The following CLCN7 variants were observed in gnomAD, a reference collection of about 807,000 sequenced individuals.
The protein encoded by CLCN7 is Cl-/H+ antiporter 7.
In CLCN7, 60 loss-of-function variants were observed where a neutral mutation model predicts 102.1. The observed-to-expected ratio is 0.59, with a 90% CI of 0.48 to 0.73. CLCN7 has a LOEUF of 0.73. CLCN7 is among the 30% of genes least tolerant of loss of function. The pLI, the probability that CLCN7 is intolerant of heterozygous loss-of-function variation, is 0.00. For missense variants in CLCN7, 962 were observed against 1,125.7 expected (o/e 0.85, Z 2.08); for synonymous variants, 560 against 490.5 (o/e 1.14, Z -1.87).
chr16:1,455,708 G>A (rs2038824750), intron 11 of CLCN7, 23 bp downstream of exon 11: 1 of 1,611,680 alleles, frequency 6.2e-7, no homozygotes, highest in Non-Finnish European at 8.5e-7. Flanking sequence ...CTGATCAGGA[G>A]GCAGCCATCA....
chr16:1,462,884 G>T (rs576874483), intron 2 of CLCN7, among the ~76,000 whole-genome samples: 5 of 152,234 alleles, frequency 3.3e-5, no homozygotes, highest in African/African-American at 9.6e-5. Context: ...AGCTGGGCCG[G>T]GCGCAATGGC....
At position 1,446,529 on chromosome 16, in the gene CLCN7, T is replaced by C. The variant is rs1225661775; in HGVS notation, c.*102A>G. ...GCTGCAGGGTGCTCGCCATTGCCAC[T>C]GCTGGGGAGCATGGTTTGGGCCGAG... On this transcript the variant is annotated 3_prime_UTR_variant, in exon 25 of 25. Transcript: ENST00000382745. 4 of 1,119,300 alleles carry C rather than the reference T, an allele frequency of 3.6e-6. No homozygotes were observed. The highest frequency in any genetic ancestry group is 2.6e-5 in the South Asian group (2 of 75,726). 69.3% of individuals were successfully genotyped at this position (1,119,300 alleles called of 1,614,324 possible).
chr16:1,451,814 C>T, intron 15 of CLCN7, 98 bp from the exon 16 acceptor site: 1 of 988,604 alleles, frequency 1.0e-6, no homozygotes, highest in Non-Finnish European at 1.6e-6. Context: ...GTACCCTGTG[C>T]CTGGCCAGCA....
At chr16:1,447,338 A>C (rs1341842403) in intron 23 of CLCN7, 54 bp downstream of exon 23, 8 of 1,438,112 alleles carry the variant, frequency 5.6e-6, no homozygotes, top group African/African-American at 1.5e-5. Context: ...TCTGGACCCC[A>C]CCCCCTGCTG....
At chr16:1,460,716 C>T (rs2038921611) in intron 5 of CLCN7, 100 bp downstream of exon 5, 39 of 1,580,072 alleles carry the variant, frequency 2.5e-5, no homozygotes, top group Non-Finnish European at 3.2e-5. Context: ...CGGGCCGCCT[C>T]CACCTGCACT....
rs149120135 is a variant in CLCN7 at position 1,465,563 on chromosome 16, G to A, written c.142-225C>T. Among the ~76,000 whole-genome samples the A allele has an allele frequency of 4.1e-3, 628 of 152,288 alleles. 3 individuals are homozygous for A. The highest frequency in any genetic ancestry group is 6.8e-3 in the Middle Eastern group (2 of 294). On this transcript the variant is annotated intron_variant, in intron 1 of 24. Transcript: ENST00000382745. ...CTGCCCCTCGGCCTGTCAGCGACACGTCCAGCCCGAGTCCAGGGCGCAAGC... is the reference window on the plus strand; with the variant it reads ...CTGCCCCTCGGCCTGTCAGCGACACATCCAGCCCGAGTCCAGGGCGCAAGC...
rs772599781 is a variant in CLCN7, at chr16:1,450,497, C to T, written c.1617G>A (p.Ala539=). Residue 539 remains alanine (A), a splice_region_variant and synonymous_variant, in exon 17 of 25, where the codon GCG becomes GCA. Coordinates refer to ENST00000382745, the MANE Select transcript of CLCN7 (RefSeq NM_001287.6). The part of the protein sequence containing the change: ...GISLSYLTGA[A]IWADPGKYAL... Reference sequence around the variant, plus strand: ...CAGCCTCCCCTCCGGCCCCACTCACCGCCGCCCCCGTGAGGTAGGACAGGG... The same window carrying T: ...CAGCCTCCCCTCCGGCCCCACTCACTGCCGCCCCCGTGAGGTAGGACAGGG... The T allele has an allele frequency of 2.5e-5, 40 of 1,597,570 alleles. No individual in the cohort carries two copies. Among genetic ancestry groups the T allele is most frequent in the Middle Eastern group, 1.7e-4 (1 of 5,752 alleles).
intron 17 of CLCN7, 95 bp downstream of exon 17, chr16:1,450,402 T>G: frequency 8.2e-7 from 1 of 1,222,298 alleles, no homozygotes; most frequent in East Asian, 2.5e-5. Flanking sequence ...GGTGCGACAC[T>G]TTTGTCCTGC....
chr16:1,469,932 T>C (rs1377893162), intron 1 of CLCN7, among the ~76,000 whole-genome samples: 1 of 152,212 alleles, frequency 6.6e-6, no homozygotes, highest in Non-Finnish European at 1.5e-5. Context: ...CGGAGGACAC[T>C]GTGCCCCGTG....
intron 17 of CLCN7, 87 bp downstream of exon 17, chr16:1,450,410 T>C: frequency 7.6e-7 from 1 of 1,310,150 alleles, no homozygotes; most frequent in South Asian, 1.3e-5. Flanking sequence ...ACTTTTGTCC[T>C]GCCCTGGGAC....
chr16:1,468,626 C>T (rs2039036155), intron 1 of CLCN7, among the ~76,000 whole-genome samples: 4 of 152,124 alleles, frequency 2.6e-5, no homozygotes, highest in Admixed American at 2.0e-4. Flanking sequence ...CTCAGGAACA[C>T]GTGAGCCAAC....
At chr16:1,460,355 C>T (rs2038913605) in intron 6 of CLCN7, 63 bp downstream of exon 6, 2 of 1,224,424 alleles carry the variant, frequency 1.6e-6, no homozygotes, top group Admixed American at 3.4e-5. Context: ...GGGTTCCCGC[C>T]CATTCACCAA....
In CLCN7 at chr16:1,451,687, G is replaced by A. The variant is rs372646820; in HGVS notation, c.1383C>T (p.Ser461=). Residue 461 remains serine (S), a synonymous_variant, in exon 16 of 25, where the codon TCC becomes TCT. Coordinates refer to ENST00000382745, the MANE Select transcript of CLCN7 (RefSeq NM_001287.6). ...GGGTGTTGAAGAAGGCCGCAGCCAT[G>A]GAGTTGTACTCGCCATCTGCACAAA... ...QLFCADGEYN[S]MAAAFFNTPE... 4.3e-6 allele frequency: 7 copies of A among 1,612,836 alleles called. No homozygotes were observed. The East Asian group carries it at 1.1e-4, about 26-fold the overall frequency.
chr16:1,453,168 T>C (rs2038781028), intron 14 of CLCN7, among the ~76,000 whole-genome samples: 1 of 152,112 alleles, frequency 6.6e-6, no homozygotes, highest in Non-Finnish European at 1.5e-5. Flanking sequence ...GCTCTACATC[T>C]GGCTAATTTT....
In CLCN7 at chr16:1,455,738, C is replaced by T; in HGVS notation, c.974G>A (p.Trp325Ter). 2 of 1,613,862 alleles carry T rather than the reference C, an allele frequency of 1.2e-6. No individual in the cohort carries two copies. Among genetic ancestry groups the T allele is most frequent in the Non-Finnish European group, 1.7e-6 (2 of 1,180,002 alleles). The change falls in exon 11 of 25, where the codon TGG becomes TAG. Residue 325 changes from tryptophan (W) to a stop codon, truncating the protein, a stop_gained. Transcript: ENST00000382745. LOFTEE classifies it high-confidence loss of function. The part of the protein sequence containing the change: ...GASFWNQFLT[W>*]RIFFASMIST... The stretch of plus-strand genomic sequence containing the variant: ...CCATCAGCAGGAACTTACGATCCTC[C>T]AGGTCAGGAACTGGTTCCAGAAGGA...
chr16:1,457,600 A>G lies in CLCN7; in HGVS notation c.738+94T>C. Reference sequence around the variant, plus strand: ...GACGCGGCCCTTCCTGGAGACCAGAAGGACCGGTGCTCAGAGACACACATG... The same window carrying G: ...GACGCGGCCCTTCCTGGAGACCAGAGGGACCGGTGCTCAGAGACACACATG... On this transcript the variant is annotated intron_variant, in intron 8 of 24. Coordinates refer to ENST00000382745, the MANE Select transcript of CLCN7 (RefSeq NM_001287.6). The surrounding 1 kb of genome is among the most constrained non-coding windows in gnomAD (Gnocchi z 5.4). 1 of 1,287,640 alleles carries G rather than the reference A, an allele frequency of 7.8e-7. No homozygotes were observed. The highest frequency in any genetic ancestry group is 1.1e-6 in the Non-Finnish European group (1 of 896,152). The allele number at this position is 1,287,640 out of a possible 1,614,324, so 79.8% of individuals were successfully genotyped here. A position where few individuals can be genotyped will look rare whatever the true frequency, so the allele number is the denominator to read the frequency against.
At chr16:1,447,277 G>C in intron 23 of CLCN7, 115 bp downstream of exon 23, 1 of 1,236,472 alleles carries the variant, frequency 8.1e-7, no homozygotes, top group Non-Finnish European at 1.1e-6. Flanking sequence ...AGGAGACAGA[G>C]TCACCGAGTC....
intron 17 of CLCN7, 96 bp from the exon 18 acceptor site, chr16:1,449,423 C>G (rs1040568752): frequency 8.2e-7 from 1 of 1,215,938 alleles, no homozygotes; most frequent in African/African-American, 1.5e-5. Context: ...GCCCAGCAGC[C>G]CCACAGCCAG....
At chr16:1,474,061 G>C in intron 1 of CLCN7, 1 of 439,954 alleles carries the variant, frequency 2.3e-6, no homozygotes, top group Non-Finnish European at 4.5e-6. Context: ...TCCAGCCTGG[G>C]CAACTACAGT....
Sources: gnomAD v4.1 joint callset for allele counts (sites outside exome capture counted in the v4.1 genomes callset) on GRCh38, gnomAD v4.1.1 for gene constraint, Gnocchi (gnomAD v3.1) non-coding constraint, MANE v1.5 for transcripts, NCBI Gene and HGNC (gene_info 2026-07-23, HGNC 2026-07-21) for gene names.